Variants in GABRP observed in about 807,000 individuals in gnomAD.
GABRP encodes the protein gamma-aminobutyric acid type A receptor subunit pi.
GABRP carries 52 observed loss-of-function variants against 47.8 expected under a neutral mutation model. That is an observed-to-expected ratio of 1.09 (90% confidence interval 0.87 to 1.37). GABRP has a LOEUF of 1.37. GABRP is among the 40% of genes most tolerant of loss of function. The probability of loss-of-function intolerance (pLI) is 0.00; values close to 1 mark genes in which losing one functional copy is unlikely to be tolerated. For missense variants in GABRP, 525 were observed against 542.8 expected, an observed-to-expected ratio of 0.97 and a Z score of 0.33; for synonymous variants, 221 against 205.8, an observed-to-expected ratio of 1.07 and a Z score of -0.63.
chr5:170,800,353 A>G (rs1482783393), intron 6 of GABRP, among the ~76,000 whole-genome samples: 2 of 152,252 alleles, frequency 1.3e-5, no homozygotes, highest in African/African-American at 2.4e-5. Context: ...AAGATGGATT[A>G]AAGACTTAAA....
chr5:170,811,801 T>C (rs959663055), intron 9 of GABRP, among the ~76,000 whole-genome samples, 155 bp from the exon 10 acceptor site: 1 of 152,238 alleles, frequency 6.6e-6, no homozygotes, highest in African/African-American at 2.4e-5. Flanking sequence ...AGCCCAAGCC[T>C]GGCTTATTGG....
intron 3 of GABRP, among the ~76,000 whole-genome samples, chr5:170,791,372 T>A (rs906787900): frequency 6.6e-6 from 1 of 152,238 alleles, no homozygotes; most frequent in Non-Finnish European, 1.5e-5. Context: ...CGGAGGGCCA[T>A]TGCTCTCTGT....
rs1371981534 is a variant in GABRP at position 170,809,710 on chromosome 5, A to T, written c.975A>T (p.Ala325=). Residue 325 remains alanine (A), a synonymous_variant, in exon 9 of 10, where the codon GCA becomes GCT. Coordinates refer to ENST00000265294, the MANE Select transcript of GABRP (RefSeq NM_014211.3). ...TGTTTGGGGCCTTGCTAGAATATGC[A>T]GTTGCTCACTACAGTTCCTTACAGC... is the stretch of plus-strand genomic sequence containing the variant. The part of the protein sequence containing the change: ...SFVFGALLEY[A]VAHYSSLQQM... 6.2e-7 allele frequency: 1 copy of T among 1,611,454 alleles called. No homozygotes were observed. The highest frequency in any genetic ancestry group is 1.7e-5 in the Admixed American group (1 of 59,892).
At chr5:170,787,617 G>C (rs764055044) in intron 1 of GABRP, among the ~76,000 whole-genome samples, 1 of 126,694 alleles carries the variant, frequency 7.9e-6, no homozygotes, top group Admixed American at 7.2e-5. Context: ...GAGAGTACCG[G>C]GGGGGAGGCA....
At chr5:170,786,757 G>A (rs1765140126) in intron 1 of GABRP, among the ~76,000 whole-genome samples, 1 of 152,136 alleles carries the variant, frequency 6.6e-6, no homozygotes, top group Non-Finnish European at 1.5e-5. Context: ...GATATGCGTG[G>A]CACAGTTGTA....
chr5:170,808,514 T>C, intron 7 of GABRP, 86 bp from the exon 8 acceptor site: 1 of 1,131,100 alleles, frequency 8.8e-7, no homozygotes, highest in African/African-American at 1.5e-5. Flanking sequence ...ACAGAGGGCT[T>C]AATGTACATA....
At chr5:170,788,458 G>T (rs747125691) in intron 1 of GABRP, 116 bp from the exon 2 acceptor site, 2 of 646,386 alleles carry the variant, frequency 3.1e-6, no homozygotes, top group East Asian at 5.4e-5. Context: ...GAAAGAGGCT[G>T]CTTCCTATGC....
At chr5:170,805,089 A>C (rs1765695026) in intron 6 of GABRP, among the ~76,000 whole-genome samples, 1 of 149,518 alleles carries the variant, frequency 6.7e-6, no homozygotes, top group Non-Finnish European at 1.5e-5. Context: ...ATGTAAAGAA[A>C]TGTCCATCTT....
intron 1 of GABRP, among the ~76,000 whole-genome samples, chr5:170,784,293 C>G (rs777372648): frequency 2.0e-5 from 3 of 151,866 alleles, no homozygotes; most frequent in Non-Finnish European, 2.9e-5. Flanking sequence ...CTGGAGGTGA[C>G]AAGTTGGGGT....
At position 170,789,075 on chromosome 5, in the gene GABRP, C is replaced by A. The variant is rs994265930; in HGVS notation, c.54-54C>A. The A allele has an allele frequency of 1.0e-5, 14 of 1,366,528 alleles. No individual in the cohort carries two copies. In the African/African-American group the frequency reaches 1.8e-4, roughly 18 times the overall value. The allele number at this position is 1,366,528 out of a possible 1,614,324, so 84.7% of individuals were successfully genotyped here. On this transcript the variant is annotated intron_variant, in intron 2 of 9. Coordinates refer to ENST00000265294, the MANE Select transcript of GABRP (RefSeq NM_014211.3). ...AAACACAAGCTCAAGGGTGTGTACA[C>A]GTGTTGATTCACACATAAACAAGCA...
intron 9 of GABRP, 54 bp from the exon 10 acceptor site, chr5:170,811,902 T>G: frequency 6.6e-7 from 1 of 1,506,950 alleles, no homozygotes; most frequent in Non-Finnish European, 9.1e-7. Flanking sequence ...ATTACCTACT[T>G]ATTTATTTTG....
At chr5:170,811,276 A>G (rs1765876193) in intron 9 of GABRP, among the ~76,000 whole-genome samples, 1 of 151,086 alleles carries the variant, frequency 6.6e-6, no homozygotes, top group Non-Finnish European at 1.5e-5. Flanking sequence ...ACACCTAGCA[A>G]GCGGCCTGGT....
intron 6 of GABRP, among the ~76,000 whole-genome samples, chr5:170,802,257 C>G (rs1247113818): frequency 6.6e-6 from 1 of 152,158 alleles, no homozygotes; most frequent in Non-Finnish European, 1.5e-5. Context: ...ACTGGGGCAC[C>G]TGTGATAGGC....
chr5:170,798,798 A>G (rs1041357939), intron 6 of GABRP, among the ~76,000 whole-genome samples: 1 of 151,840 alleles, frequency 6.6e-6, no homozygotes, highest in African/African-American at 2.4e-5. Flanking sequence ...TTTGTTTTAT[A>G]TATATATTTT....
At chr5:170,811,596 T>C (rs931104165) in intron 9 of GABRP, among the ~76,000 whole-genome samples, 1 of 152,282 alleles carries the variant, frequency 6.6e-6, no homozygotes, top group East Asian at 1.9e-4. Context: ...AAATAAAGTC[T>C]TGGAGGGATT....
chr5:170,786,938 T>C (rs1765144430), intron 1 of GABRP, among the ~76,000 whole-genome samples: 1 of 152,214 alleles, frequency 6.6e-6, no homozygotes, highest in Admixed American at 6.5e-5. Flanking sequence ...TCGGTAGTTA[T>C]TTCTGAAGTA....
Position 170,811,976 on chromosome 5 carries a change from A to G in GABRP, c.1041A>G (p.Glu347=). The change falls in exon 10 of 10, where the codon GAA becomes GAG. Residue 347 remains glutamate, a synonymous_variant. Transcript: ENST00000265294. ...ACTAGGGGACAACAAAGGAAGTAGAAGAAGTCAGTATTACTAATATCATCA... is the reference window on the plus strand; with the variant it reads ...ACTAGGGGACAACAAAGGAAGTAGAGGAAGTCAGTATTACTAATATCATCA... ...AKDRGTTKEV[E]EVSITNIINS... is the part of the protein sequence containing the mutation. 6.2e-7 allele frequency: 1 copy of G among 1,613,884 alleles called. No homozygotes were observed. Among genetic ancestry groups the G allele is most frequent in the Non-Finnish European group, 8.5e-7 (1 of 1,179,816 alleles).
intron 3 of GABRP, among the ~76,000 whole-genome samples, chr5:170,792,372 G>A (rs1765297538): frequency 1.3e-5 from 2 of 151,796 alleles, no homozygotes. Context: ...AATCCAGGAG[G>A]CAGAGGTTGC....
intron 3 of GABRP, among the ~76,000 whole-genome samples, chr5:170,791,158 C>T (rs1461919457): frequency 6.6e-6 from 1 of 152,216 alleles, no homozygotes; most frequent in African/African-American, 2.4e-5. Flanking sequence ...GGTGCAGGGT[C>T]CTTGGGCAAG....
Sources: allele counts gnomAD v4.1 joint callset (sites outside exome capture counted in the v4.1 genomes callset), GRCh38; gene constraint gnomAD v4.1.1; transcripts MANE v1.5; gene names NCBI Gene and HGNC (gene_info 2026-07-23, HGNC 2026-07-21).